The following RPL22 variants were observed in gnomAD, a reference collection of about 807,000 sequenced individuals.
RPL22 encodes large ribosomal subunit protein eL22.
A neutral mutation model predicts 16.2 loss-of-function variants in RPL22; 4 were observed. The ratio of observed to expected loss-of-function variants is 0.25; its 90% confidence interval spans 0.12 to 0.57. The LOEUF is 0.57. Among genes scored for constraint, RPL22 ranks in the 20% least tolerant of loss-of-function variants. The pLI is 0.92. For synonymous variants in RPL22, 43 were observed against 54.8 expected (o/e 0.78, Z 0.95); for missense variants, 83 against 156.1 (o/e 0.53, Z 2.49).
intron 2 of RPL22, among the ~76,000 whole-genome samples, chr1:6,197,292 A>C (rs1313638589): frequency 6.6e-6 from 1 of 152,132 alleles, no homozygotes; most frequent in African/African-American, 2.4e-5. Flanking sequence ...AGCCTCCTAA[A>C]GTGTTGGGAT....
chr1:6,193,592 G>T (rs1667680001), intron 2 of RPL22, among the ~76,000 whole-genome samples: 3 of 152,004 alleles, frequency 2.0e-5, no homozygotes. Flanking sequence ...CAAAGTGCTG[G>T]GATTACAGGC....
chr1:6,199,262 T>A, intron 1 of RPL22: 1 of 522,636 alleles, frequency 1.9e-6, no homozygotes, highest in Admixed American at 4.6e-5. Flanking sequence ...CCGGCCGGGG[T>A]CCGAGGACCA....
intron 1 of RPL22, chr1:6,197,996 C>A (rs1002249299): frequency 1.8e-6 from 1 of 555,862 alleles, no homozygotes; most frequent in African/African-American, 1.9e-5. Flanking sequence ...GGAAATCATT[C>A]TAGCACTCTT....
chr1:6,187,341 G>A (rs944485473), intron 3 of RPL22, among the ~76,000 whole-genome samples: 1 of 151,434 alleles, frequency 6.6e-6, no homozygotes, highest in Non-Finnish European at 1.5e-5. Flanking sequence ...TAGGCCAGGG[G>A]CACTGGCTCA....
intron 3 of RPL22, among the ~76,000 whole-genome samples, chr1:6,188,773 GC>G (rs1393759754): frequency 6.6e-6 from 1 of 151,568 alleles, no homozygotes; most frequent in Non-Finnish European, 1.5e-5. Flanking sequence ...TACATGAGAT[GC>G]TCAGAGAGAT....
intron 3 of RPL22, among the ~76,000 whole-genome samples, chr1:6,188,281 C>T (rs893161031): frequency 6.6e-6 from 1 of 152,170 alleles, no homozygotes; most frequent in Admixed American, 6.5e-5. Flanking sequence ...GTCTGCCCAC[C>T]TCAGCCTCCC....
chr1:6,195,576 G>A lies in RPL22; in HGVS notation c.117+2076C>T, dbSNP rs189583841. On this transcript the variant is annotated intron_variant, in intron 2 of 3. Transcript: ENST00000234875. ...ACCAACCTGGCCAACATGGTGAAGC[G>A]CCGTCTCTACCACAAAAATACACAA... Among the ~76,000 whole-genome samples the A allele has an allele frequency of 5.1e-3, 769 of 150,784 alleles. 4 individuals are homozygous for A. The highest frequency in any genetic ancestry group is 0.017 in the African/African-American group (695 of 40,986).
intron 2 of RPL22, 92 bp from the exon 3 acceptor site, chr1:6,193,146 T>C: frequency 6.7e-7 from 1 of 1,495,464 alleles, no homozygotes; most frequent in Non-Finnish European, 9.1e-7. Context: ...ACTAATATCA[T>C]TTTTTGTTTT....
At chr1:6,198,100 G>T in intron 1 of RPL22, 1 of 248,226 alleles carries the variant, frequency 4.0e-6, no homozygotes, top group Non-Finnish European at 7.7e-6. Context: ...CCTTTTGTTT[G>T]CCCTAACATT....
In RPL22 at chr1:6,185,997, G is replaced by A; in HGVS notation, c.*675C>T. The A allele has an allele frequency of 4.3e-6, 1 of 230,568 alleles. No individual in the cohort carries two copies. The highest frequency in any genetic ancestry group is 8.6e-6 in the Non-Finnish European group (1 of 116,394). 14.3% of individuals were successfully genotyped at this position (230,568 alleles called of 1,614,324 possible). A position where few individuals can be genotyped will look rare whatever the true frequency, so the allele number is the denominator to read the frequency against. ...AGCTCCCTCTGCTGGAGACGAAAGT[G>A]ACAGTTTGTTGCAAAGACCTGTAGA... On this transcript the variant is annotated 3_prime_UTR_variant, in exon 4 of 4. Coordinates refer to ENST00000234875, the MANE Select transcript of RPL22 (RefSeq NM_000983.4).
At chr1:6,197,262 C>A (rs548141325) in intron 2 of RPL22, among the ~76,000 whole-genome samples, 1 of 152,312 alleles carries the variant, frequency 6.6e-6, no homozygotes, top group East Asian at 1.9e-4. Flanking sequence ...GAACTCCTGA[C>A]CTCATGATCT....
chr1:6,191,838 A>C (rs1211693376), intron 3 of RPL22, among the ~76,000 whole-genome samples: 1 of 151,854 alleles, frequency 6.6e-6, no homozygotes, highest in African/African-American at 2.4e-5. Flanking sequence ...TCTCTACTAA[A>C]AATACGAAAA....
intron 1 of RPL22, 113 bp from the exon 2 acceptor site, chr1:6,197,869 C>G (rs78059059): frequency 6.3e-6 from 5 of 793,212 alleles, no homozygotes; most frequent in African/African-American, 5.1e-5. Context: ...ACAAAACTAA[C>G]GGAAGTGTGC....
At chr1:6,189,476 T>C (rs1056783282) in intron 3 of RPL22, among the ~76,000 whole-genome samples, 2 of 151,750 alleles carry the variant, frequency 1.3e-5, no homozygotes, top group Non-Finnish European at 2.9e-5. Context: ...GGTAGGACTG[T>C]TTGAGCCAGG....
At chr1:6,190,456 C>T (rs969877646) in intron 3 of RPL22, among the ~76,000 whole-genome samples, 9 of 152,202 alleles carry the variant, frequency 5.9e-5, no homozygotes, top group Non-Finnish European at 7.3e-5. Context: ...TCTTGGCTCA[C>T]CGCAACCTCC....
At chr1:6,187,506 C>T (rs1363137956) in intron 3 of RPL22, among the ~76,000 whole-genome samples, 1 of 149,760 alleles carries the variant, frequency 6.7e-6, no homozygotes, top group East Asian at 2.0e-4. Context: ...CCCAGCTAGT[C>T]AGGAGGCTGA....
chr1:6,197,890 A>C (rs1394164226), intron 1 of RPL22, 134 bp from the exon 2 acceptor site: 2 of 688,374 alleles, frequency 2.9e-6, no homozygotes, highest in Non-Finnish European at 5.0e-6. Context: ...TCCCTTTGCC[A>C]GAGGGCCAAG....
At chr1:6,193,442 G>A (rs1033556887) in intron 2 of RPL22, among the ~76,000 whole-genome samples, 2 of 151,410 alleles carry the variant, frequency 1.3e-5, no homozygotes, top group African/African-American at 4.9e-5. Context: ...CTCCTGCTCC[G>A]CCTCCCAAGT....
chr1:6,189,419 C>T (rs911398362), intron 3 of RPL22, among the ~76,000 whole-genome samples: 1 of 151,972 alleles, frequency 6.6e-6, no homozygotes, highest in Admixed American at 6.6e-5. Context: ...CTGACATAGC[C>T]GGACATGGTG....
Sources: gnomAD v4.1 joint callset for allele counts (sites outside exome capture counted in the v4.1 genomes callset) on GRCh38, gnomAD v4.1.1 for gene constraint, MANE v1.5 for transcripts, NCBI Gene and HGNC (gene_info 2026-07-23, HGNC 2026-07-21) for gene names.